KCNQ5: variants seen among roughly 807,000 people sequenced by gnomAD.
KCNQ5 encodes the protein potassium voltage-gated channel subfamily Q member 5.
KCNQ5 carries 30 observed loss-of-function variants against 98.2 expected under a neutral mutation model. The ratio of observed to expected loss-of-function variants is 0.31; its 90% CI spans 0.23 to 0.41. KCNQ5 has a LOEUF of 0.41. KCNQ5 is among the 10% of genes least tolerant of loss of function. KCNQ5 has a pLI of 1.00. For synonymous variants in KCNQ5, 458 were observed against 449.4 expected (o/e 1.02, Z -0.24); for missense variants, 835 against 1,182.5 (o/e 0.71, Z 4.31).
At chr6:73,134,623 G>C (rs1776390216) in intron 10 of KCNQ5, among the ~76,000 whole-genome samples, 1 of 152,172 alleles carries the variant, frequency 6.6e-6, no homozygotes, top group Non-Finnish European at 1.5e-5. Flanking sequence ...TCTCTTCCAC[G>C]CTCAAGTGAG....
chr6:73,176,714 C>T (rs1050239517), intron 11 of KCNQ5, among the ~76,000 whole-genome samples: 1 of 152,040 alleles, frequency 6.6e-6, no homozygotes, highest in Admixed American at 6.6e-5. Flanking sequence ...AGGGAAAGAA[C>T]AGGAGGAATC....
chr6:72,935,340 G>A (rs1321300593), intron 1 of KCNQ5, among the ~76,000 whole-genome samples: 1 of 152,024 alleles, frequency 6.6e-6, no homozygotes, highest in African/African-American at 2.4e-5. Context: ...CAAAGTGCTG[G>A]GATTACAGGC....
At chr6:73,069,219 A>G (rs1773201461) in intron 3 of KCNQ5, among the ~76,000 whole-genome samples, 1 of 152,148 alleles carries the variant, frequency 6.6e-6, no homozygotes, top group African/African-American at 2.4e-5. Context: ...ATGTTTATAT[A>G]TTAAAGATAT....
Position 73,197,641 on chromosome 6 carries a change from A to ACC in KCNQ5, c.*2230_*2231dup, listed in dbSNP as rs1481378807. ...CACACACACACACACACACACACAC[A>ACC]CCCCTCCACTGACCTAAAGCCAGAC... On this transcript the variant is annotated 3_prime_UTR_variant, in exon 14 of 14. Transcript: ENST00000370398. The ACC allele has an allele frequency of 1.3e-4, 14 of 103,768 alleles. No individual in the cohort carries two copies. Among genetic ancestry groups the ACC allele is most frequent in the Non-Finnish European group, 1.9e-4 (9 of 47,064 alleles). 6.4% of individuals were successfully genotyped at this position (103,768 alleles called of 1,614,324 possible).
chr6:72,704,982 A>T (rs78784467), intron 1 of KCNQ5, among the ~76,000 whole-genome samples: 5,874 of 152,030 alleles, frequency 0.039, 129 homozygotes, highest in Middle Eastern at 0.13. Flanking sequence ...TTCTAATATG[A>T]TTCTTTCATG....
At chr6:73,025,426 A>T (rs1223836200) in intron 2 of KCNQ5, among the ~76,000 whole-genome samples, 1 of 152,182 alleles carries the variant, frequency 6.6e-6, no homozygotes, top group Non-Finnish European at 1.5e-5. Context: ...GTTCAAAAAA[A>T]GCCTGCCTAA....
chr6:72,961,471 AATT>A (rs1767346257), intron 1 of KCNQ5, among the ~76,000 whole-genome samples: 1 of 152,026 alleles, frequency 6.6e-6, no homozygotes, highest in East Asian at 1.9e-4. Context: ...TAGAAAAAAA[AATT>A]AGCCGGGCGT....
chr6:72,907,213 A>G (rs2150201188), intron 1 of KCNQ5, among the ~76,000 whole-genome samples: 1 of 152,304 alleles, frequency 6.6e-6, no homozygotes, highest in East Asian at 1.9e-4. Context: ...GTTGGATACT[A>G]GGCTTAGTAC....
chr6:72,779,791 C>G (rs922877338), intron 1 of KCNQ5, among the ~76,000 whole-genome samples: 2 of 150,920 alleles, frequency 1.3e-5, no homozygotes, highest in African/African-American at 2.4e-5. Flanking sequence ...ACCACAGGCA[C>G]GAGTCACCAT....
At chr6:73,003,444 G>A (rs1476681597) in intron 1 of KCNQ5, among the ~76,000 whole-genome samples, 1 of 152,120 alleles carries the variant, frequency 6.6e-6, no homozygotes, top group African/African-American at 2.4e-5. Flanking sequence ...ATGAAAATGA[G>A]CCAGTGGCTG....
At chr6:72,631,019 G>A (rs78605882) in intron 1 of KCNQ5, among the ~76,000 whole-genome samples, 2,814 of 152,292 alleles carry the variant, frequency 0.018, 72 homozygotes, top group African/African-American at 0.062. Flanking sequence ...GTGGTAGGAA[G>A]GATGGGGGAA....
intron 1 of KCNQ5, among the ~76,000 whole-genome samples, chr6:72,774,928 T>C (rs527418572): frequency 6.6e-6 from 1 of 152,294 alleles, no homozygotes; most frequent in Non-Finnish European, 1.5e-5. Context: ...CTTGAGGTGA[T>C]CATAGGTGTC....
chr6:73,179,214 T>C (rs1778323195), intron 11 of KCNQ5, among the ~76,000 whole-genome samples: 1 of 152,180 alleles, frequency 6.6e-6, no homozygotes, highest in Admixed American at 6.5e-5. Flanking sequence ...ATTTATTTCT[T>C]ACAGTTATGG....
intron 1 of KCNQ5, among the ~76,000 whole-genome samples, chr6:72,847,542 G>T (rs1219278972): frequency 2.0e-5 from 3 of 152,108 alleles, no homozygotes; most frequent in East Asian, 1.9e-4. Context: ...ATTTAATTGA[G>T]AATTGGCCTT....
chr6:72,734,805 T>C (rs1770740289), intron 1 of KCNQ5, among the ~76,000 whole-genome samples: 1 of 152,206 alleles, frequency 6.6e-6, no homozygotes, highest in African/African-American at 2.4e-5. Flanking sequence ...GATTACCCAG[T>C]TTAGGCCCTG....
intron 1 of KCNQ5, among the ~76,000 whole-genome samples, chr6:72,803,816 G>C (rs1472870105): frequency 6.6e-6 from 1 of 151,984 alleles, no homozygotes; most frequent in Non-Finnish European, 1.5e-5. Context: ...CCCTAAGATA[G>C]GTTCTTCTAA....
chr6:72,710,978 T>C (rs551735386), intron 1 of KCNQ5, among the ~76,000 whole-genome samples: 1 of 152,260 alleles, frequency 6.6e-6, no homozygotes, highest in East Asian at 1.9e-4. Flanking sequence ...CCAAATCATA[T>C]TGAATATCTT....
intron 1 of KCNQ5, among the ~76,000 whole-genome samples, chr6:72,915,585 T>G (rs577135208): frequency 6.6e-6 from 1 of 152,308 alleles, no homozygotes; most frequent in East Asian, 1.9e-4. Context: ...TTAGAAAATG[T>G]TATTTTTAAT....
At chr6:73,081,209 G>T (rs1773751843) in intron 5 of KCNQ5, among the ~76,000 whole-genome samples, 1 of 152,212 alleles carries the variant, frequency 6.6e-6, no homozygotes, top group African/African-American at 2.4e-5. Context: ...CCTGGGTTCT[G>T]ATGTGGCAAC....
Sources: allele counts gnomAD v4.1 joint callset (sites outside exome capture counted in the v4.1 genomes callset), GRCh38; gene constraint gnomAD v4.1.1; transcripts MANE v1.5; gene names NCBI Gene and HGNC (gene_info 2026-07-23, HGNC 2026-07-21).